ANO3: variants seen among roughly 807,000 people sequenced by gnomAD.
ANO3 encodes anoctamin-3.
A neutral mutation model predicts 144.8 loss-of-function variants in ANO3; 99 were observed. The observed-to-expected ratio is 0.68, with a 90% confidence interval of 0.58 to 0.81. ANO3 has a LOEUF of 0.81. Ranked by LOEUF, ANO3 falls within the 30% of genes least tolerant of loss-of-function variation. ANO3 has a pLI of 0.00. For synonymous variants in ANO3, 414 were observed against 392.6 expected, an observed-to-expected ratio of 1.05 and a Z score of -0.64; for missense variants, 905 against 1,202.2, an observed-to-expected ratio of 0.75 and a Z score of 3.66.
intron 10 of ANO3, among the ~76,000 whole-genome samples, 174 bp from the exon 11 acceptor site, chr11:26,541,773 A>G (rs1249635683): frequency 1.3e-5 from 2 of 152,172 alleles, no homozygotes; most frequent in Non-Finnish European, 2.9e-5. Flanking sequence ...GACTATTTTT[A>G]ATGAAAGATA....
chr11:26,516,845 G>A lies in ANO3; in HGVS notation c.610G>A (p.Asp204Asn), dbSNP rs1316389828. The change falls in exon 6 of 27, where the codon GAT (aspartate) becomes AAT (asparagine). Residue 204 changes from aspartate (D) to asparagine (N), a missense_variant. By Grantham distance (23) the Asp-to-Asn change is conservative (BLOSUM62 1). Transcript: ENST00000256737. ...LEKEPAIASP[D>N]IMFIKIHIPW... ...TTTGCAGCCAGCTATTGCAAGCCCC[G>A]ATATCATGTTTATTAAAATTCACAT... 10 of 1,610,578 alleles carry A rather than the reference G, an allele frequency of 6.2e-6. No homozygotes were observed. The highest frequency in any genetic ancestry group is 2.2e-5 in the East Asian group (1 of 44,810).
chr11:26,403,387 A>G (rs868097137), intron 1 of ANO3, among the ~76,000 whole-genome samples: 5 of 152,036 alleles, frequency 3.3e-5, no homozygotes, highest in South Asian at 4.1e-4. Flanking sequence ...TTGAGACTCA[A>G]TTAGGTTCAA....
At chr11:26,238,289 T>G (rs986489767) in intron 1 of ANO3, among the ~76,000 whole-genome samples, 1 of 152,142 alleles carries the variant, frequency 6.6e-6, no homozygotes, top group African/African-American at 2.4e-5. Flanking sequence ...GAGAAATTTC[T>G]GTAAGAATCT....
At chr11:26,465,124 TTG>T (rs36230269) in intron 4 of ANO3, among the ~76,000 whole-genome samples, 8,735 of 145,228 alleles carry the variant, frequency 0.06, 255 homozygotes, top group Admixed American at 0.095. Flanking sequence ...CATCATTAAA[TTG>T]TGTGTGTGTG....
At chr11:26,501,665 A>G (rs747957628) in intron 4 of ANO3, among the ~76,000 whole-genome samples, 3 of 152,190 alleles carry the variant, frequency 2.0e-5, no homozygotes, top group African/African-American at 4.8e-5. Flanking sequence ...CCTTTACCCA[A>G]CAAGCTCCAC....
intron 10 of ANO3, among the ~76,000 whole-genome samples, chr11:26,541,368 A>C (rs1433284798): frequency 6.6e-6 from 1 of 152,120 alleles, no homozygotes; most frequent in African/African-American, 2.4e-5. Flanking sequence ...AGGGTGCAGC[A>C]AACTACCATG....
intron 13 of ANO3, among the ~76,000 whole-genome samples, chr11:26,554,489 A>G (rs985111890): frequency 6.6e-6 from 1 of 152,140 alleles, no homozygotes; most frequent in Non-Finnish European, 1.5e-5. Flanking sequence ...TGGTTAGCCT[A>G]TGAAAACCCT....
At chr11:26,546,609 C>T (rs1849795300) in intron 11 of ANO3, among the ~76,000 whole-genome samples, 1 of 151,908 alleles carries the variant, frequency 6.6e-6, no homozygotes, top group Non-Finnish European at 1.5e-5. Context: ...CATTTTTAAC[C>T]AGGCCTTTAA....
At chr11:26,450,725 T>C (rs1858899578) in intron 3 of ANO3, among the ~76,000 whole-genome samples, 2 of 152,206 alleles carry the variant, frequency 1.3e-5, no homozygotes, top group South Asian at 4.1e-4. Context: ...TAGTGAAAGC[T>C]GTTGTGAGAC....
chr11:26,608,115 TTTGTAGGGACTTTTTTGTTG>T (rs1429427211), intron 17 of ANO3, among the ~76,000 whole-genome samples: 2 of 152,232 alleles, frequency 1.3e-5, no homozygotes, highest in African/African-American at 4.8e-5. Flanking sequence ...GGATGGGGTT[TTTGTAGGGACTTTTTTGTTG>T]TTGTTGATAC....
Position 26,418,177 on chromosome 11 carries a change from A to G in ANO3, c.47-23741A>G, listed in dbSNP as rs1030060920. Among the ~76,000 whole-genome samples, 10 of 152,192 alleles carry G rather than the reference A, an allele frequency of 6.6e-5. No individual in the cohort carries two copies. The East Asian group carries it at 9.7e-4, about 15-fold the overall frequency. The stretch of plus-strand genomic sequence containing the variant: ...CAGGTGGCAAGAAGTGGGAAGTTCT[A>G]TGGTTACAAATGTTAATAATAGGCT... On this transcript the variant is annotated intron_variant, in intron 1 of 26. Coordinates refer to ENST00000256737, the MANE Select transcript of ANO3 (RefSeq NM_031418.4).
At chr11:26,267,008 C>G (rs1298784144) in intron 1 of ANO3, among the ~76,000 whole-genome samples, 1 of 150,870 alleles carries the variant, frequency 6.6e-6, no homozygotes, top group Non-Finnish European at 1.5e-5. Context: ...AGGAGAATGG[C>G]GAGGACCCTG....
intron 13 of ANO3, among the ~76,000 whole-genome samples, chr11:26,557,774 T>A (rs1850131922): frequency 6.6e-6 from 1 of 152,132 alleles, no homozygotes; most frequent in African/African-American, 2.4e-5. Flanking sequence ...TCCTTCATTC[T>A]TTTTCCCATT....
intron 6 of ANO3, among the ~76,000 whole-genome samples, chr11:26,523,676 ATTTG>A (rs1473168428): frequency 6.6e-6 from 1 of 152,094 alleles, no homozygotes; most frequent in Admixed American, 6.6e-5. Context: ...TTTCATTTTT[ATTTG>A]TTCTTACCAT....
chr11:26,560,090 A>G (rs897474035), intron 14 of ANO3: 8 of 250,182 alleles, frequency 3.2e-5, no homozygotes, highest in African/African-American at 4.4e-5. Context: ...TAATCTTCTT[A>G]TATTATTGAT....
chr11:26,557,029 A>G (rs1478048226), intron 13 of ANO3, among the ~76,000 whole-genome samples: 1 of 152,132 alleles, frequency 6.6e-6, no homozygotes, highest in Non-Finnish European at 1.5e-5. Context: ...CTTTAACAGT[A>G]CCCACATTTT....
intron 1 of ANO3, among the ~76,000 whole-genome samples, chr11:26,392,378 T>C (rs1856905278): frequency 6.6e-6 from 1 of 152,050 alleles, no homozygotes; most frequent in South Asian, 2.1e-4. Context: ...TGACAATATA[T>C]GTAGAGAAAA....
rs1371715915 is a variant in ANO3 at position 26,452,674 on chromosome 11, G to A, written c.313+8838G>A. 1.1e-4 allele frequency among the ~76,000 whole-genome samples: 16 copies of A among 152,314 alleles called. No homozygotes were observed. In the South Asian group the frequency reaches 1.9e-3, roughly 18 times the overall value. ...ACACTCTGCAGGATATTATCCAGGA[G>A]AACTTCCCCAATCTAGCAAGGCAGG... On this transcript the variant is annotated intron_variant, in intron 3 of 26. Transcript: ENST00000256737.
intron 1 of ANO3, among the ~76,000 whole-genome samples, chr11:26,210,589 A>G (rs1851911528): frequency 6.6e-6 from 1 of 152,132 alleles, no homozygotes; most frequent in African/African-American, 2.4e-5. Flanking sequence ...GGCCATTTTC[A>G]TGACATTGGT....
Sources: gnomAD v4.1 joint callset for allele counts (sites outside exome capture counted in the v4.1 genomes callset) on GRCh38, gnomAD v4.1.1 for gene constraint, MANE v1.5 for transcripts, NCBI Gene and HGNC (gene_info 2026-07-23, HGNC 2026-07-21) for gene names.